PLBD1: variants seen among roughly 807,000 people sequenced by gnomAD.
PLBD1 encodes phospholipase B domain containing 1, also known as lysosomal leucine aminopeptidase.
A neutral mutation model predicts 63.0 loss-of-function variants in PLBD1; 60 were observed. That is an observed-to-expected ratio of 0.95 (90% confidence interval 0.77 to 1.18). The LOEUF (loss-of-function observed/expected upper bound fraction) is 1.18. Among genes scored for constraint, PLBD1 ranks in the 50% most tolerant of loss-of-function variants. The pLI is 0.00. For missense variants in PLBD1, 598 were observed against 677.9 expected, an observed-to-expected ratio of 0.88 and a Z score of 1.31; for synonymous variants, 262 against 248.0, an observed-to-expected ratio of 1.06 and a Z score of -0.53.
intron 6 of PLBD1, among the ~76,000 whole-genome samples, chr12:14,518,511 T>C (rs1346898534): frequency 6.6e-6 from 1 of 152,142 alleles, no homozygotes; most frequent in Non-Finnish European, 1.5e-5. Context: ...ATCTAGGGTA[T>C]GAAAGGGAGG....
At chr12:14,542,476 T>G (rs949709476) in intron 2 of PLBD1, among the ~76,000 whole-genome samples, 185 bp from the exon 3 acceptor site, 1 of 152,194 alleles carries the variant, frequency 6.6e-6, no homozygotes, top group South Asian at 2.1e-4. Context: ...TAGAAAAGGA[T>G]AGAATATTGA....
intron 4 of PLBD1, among the ~76,000 whole-genome samples, chr12:14,539,596 G>A (rs755244866): frequency 2.6e-5 from 4 of 151,748 alleles, no homozygotes; most frequent in Non-Finnish European, 5.9e-5. Context: ...GACTAGCCTG[G>A]CCAACATGGT....
chr12:14,504,248 C>T (rs1945231260), intron 10 of PLBD1, among the ~76,000 whole-genome samples: 1 of 152,122 alleles, frequency 6.6e-6, no homozygotes, highest in Non-Finnish European at 1.5e-5. Context: ...TGGGGTTTTG[C>T]CTTGTTGGCC....
intron 1 of PLBD1, among the ~76,000 whole-genome samples, chr12:14,560,019 C>T (rs941712069): frequency 1.6e-4 from 25 of 152,266 alleles, no homozygotes; most frequent in Non-Finnish European, 2.8e-4. Context: ...CGCCGCCACG[C>T]CTGGCTAATT....
chr12:14,557,273 A>G (rs1320954670), intron 1 of PLBD1, among the ~76,000 whole-genome samples: 1 of 152,242 alleles, frequency 6.6e-6, no homozygotes, highest in Middle Eastern at 3.4e-3. Context: ...AGACCTAAAA[A>G]CAGAAATACC....
At chr12:14,518,551 A>C (rs1178350841) in intron 6 of PLBD1, among the ~76,000 whole-genome samples, 1 of 152,186 alleles carries the variant, frequency 6.6e-6, no homozygotes, top group Non-Finnish European at 1.5e-5. Context: ...AGTTACAATA[A>C]GAACTGTGAT....
At position 14,513,451 on chromosome 12, in the gene PLBD1, G is replaced by A. The variant is rs1399674649; in HGVS notation, c.845-1740C>T. 2.6e-5 allele frequency among the ~76,000 whole-genome samples: 4 copies of A among 152,172 alleles called. No homozygotes were observed. In the East Asian group the frequency reaches 5.8e-4, roughly 22 times the overall value. On this transcript the variant is annotated intron_variant, in intron 6 of 10. Coordinates refer to ENST00000240617, the MANE Select transcript of PLBD1 (RefSeq NM_024829.6). ...TGCAAAAAATGTTTGTCCACATACTGCCTCAAATCACCCCACCAGCCCTAT... is the reference window on the plus strand; with the variant it reads ...TGCAAAAAATGTTTGTCCACATACTACCTCAAATCACCCCACCAGCCCTAT...
chr12:14,503,823 G>A lies in PLBD1; in HGVS notation c.1611C>T (p.Tyr537=), dbSNP rs1945224513. Residue 537 remains tyrosine (Y), a synonymous_variant, in exon 11 of 11, where the codon TAC becomes TAT. Transcript: ENST00000240617. ...KTLHQGMPEV[Y]NFDFITMKPI... The stretch of plus-strand genomic sequence containing the variant: ...GTTTCATGGTAATAAAATCAAAGTT[G>A]TAGACCTCTGGCATGCCCTGATGTA... 3 of 1,613,814 alleles carry A rather than the reference G, an allele frequency of 1.9e-6. No individual in the cohort carries two copies. The highest frequency in any genetic ancestry group is 1.7e-5 in the Admixed American group (1 of 59,978).
In PLBD1 at chr12:14,511,614, C is replaced by T; in HGVS notation, c.942G>A (p.Gln314=). Residue 314 remains glutamine (Q), a synonymous_variant, in exon 7 of 11, where the codon CAG becomes CAA. Coordinates refer to ENST00000240617, the MANE Select transcript of PLBD1 (RefSeq NM_024829.6). ...NSVFNKTLLK[Q]VIPETLLSWQ... is the part of the protein sequence containing the mutation. ...AGGACAGGAGAGTCTCGGGTATTAC[C>T]TGCTTTAGCAGGGTTTTATTAAACA... 1 of 1,614,200 alleles carries T rather than the reference C, an allele frequency of 6.2e-7. No homozygotes were observed. Among genetic ancestry groups the T allele is most frequent in the Non-Finnish European group, 8.5e-7 (1 of 1,180,030 alleles).
intron 9 of PLBD1, among the ~76,000 whole-genome samples, chr12:14,506,680 A>G (rs989819065): frequency 6.6e-6 from 1 of 151,932 alleles, no homozygotes; most frequent in African/African-American, 2.4e-5. Flanking sequence ...AGGACCCTCT[A>G]TGAGTTATTT....
intron 8 of PLBD1, among the ~76,000 whole-genome samples, chr12:14,511,030 G>T (rs186043227): frequency 3.3e-5 from 5 of 152,310 alleles, no homozygotes; most frequent in African/African-American, 1.2e-4. Flanking sequence ...AAATCATAGA[G>T]TCATGAATGC....
At chr12:14,510,575 C>A (rs1945290313) in intron 8 of PLBD1, among the ~76,000 whole-genome samples, 1 of 152,098 alleles carries the variant, frequency 6.6e-6, no homozygotes, top group Non-Finnish European at 1.5e-5. Context: ...TTTAAAATTA[C>A]AAATACGTGG....
intron 4 of PLBD1, among the ~76,000 whole-genome samples, chr12:14,537,832 T>A (rs562450217): frequency 3.9e-5 from 6 of 152,254 alleles, no homozygotes; most frequent in Non-Finnish European, 8.8e-5. Flanking sequence ...AATTATTCAT[T>A]TATTAGTCAA....
chr12:14,511,539 C>A lies in PLBD1; in HGVS notation c.1017G>T (p.Trp339Cys), dbSNP rs1309929371. Reference protein sequence around the residue: ...ANMMADSGKRWADIFSKYNSG... With the variant: ...ANMMADSGKRCADIFSKYNSG... ...AGTTGTATTTTGAAAAGATGTCTGC[C>A]CACCTCTTGCCACTATCTGCCATCA... is the stretch of plus-strand genomic sequence containing the variant. Residue 339 changes from tryptophan to cysteine, a missense_variant, in exon 7 of 11, where the codon TGG (tryptophan) becomes TGT (cysteine). Physicochemically the swap from Trp to Cys is radical, Grantham distance 215. Coordinates refer to ENST00000240617, the MANE Select transcript of PLBD1 (RefSeq NM_024829.6). The A allele has an allele frequency of 6.2e-7, 1 of 1,614,120 alleles. No homozygotes were observed. The highest frequency in any genetic ancestry group is 8.5e-7 in the Non-Finnish European group (1 of 1,180,020).
intron 9 of PLBD1, 45 bp downstream of exon 9, chr12:14,506,888 G>GA: frequency 1.3e-6 from 2 of 1,557,800 alleles, no homozygotes; most frequent in Non-Finnish European, 1.8e-6. Context: ...CCATAGGGAA[G>GA]AAAAGGAGTT....
chr12:14,567,866 GA>G lies in PLBD1; in HGVS notation c.-171del. On this transcript the variant is annotated 5_prime_UTR_variant, in exon 1 of 11. Coordinates refer to ENST00000240617, the MANE Select transcript of PLBD1 (RefSeq NM_024829.6). ...CGGCCTGCTCCGGGCTCTGAGGGGCGAGGACGCTTCACGTGGTGGCCTGGGG... is the reference window on the plus strand; with the variant it reads ...CGGCCTGCTCCGGGCTCTGAGGGGCGGGACGCTTCACGTGGTGGCCTGGGG... 1.1e-6 allele frequency: 1 copy of G among 948,126 alleles called. No homozygotes were observed. The highest frequency in any genetic ancestry group is 1.4e-6 in the Non-Finnish European group (1 of 702,392). The allele number at this position is 948,126 out of a possible 1,614,324, so 58.7% of individuals were successfully genotyped here.
At chr12:14,534,827 C>T (rs1222392692) in intron 6 of PLBD1, among the ~76,000 whole-genome samples, 1 of 152,244 alleles carries the variant, frequency 6.6e-6, no homozygotes, top group East Asian at 1.9e-4. Context: ...TAGGCGTGAG[C>T]ACCTGGCCTC....
chr12:14,560,070 G>A (rs1420555478), intron 1 of PLBD1, among the ~76,000 whole-genome samples: 4 of 152,078 alleles, frequency 2.6e-5, no homozygotes, highest in African/African-American at 9.7e-5. Flanking sequence ...ATGTTGATCA[G>A]GCTGGTCTCG....
chr12:14,506,402 G>A (rs1945256671), intron 9 of PLBD1, 134 bp from the exon 10 acceptor site: 1 of 631,772 alleles, frequency 1.6e-6, no homozygotes, highest in East Asian at 3.0e-5. Flanking sequence ...AGCCCAGTCT[G>A]CTTCCAGATA....
Sources: gnomAD v4.1 joint callset for allele counts (sites outside exome capture counted in the v4.1 genomes callset) on GRCh38, gnomAD v4.1.1 for gene constraint, MANE v1.5 for transcripts, NCBI Gene and HGNC (gene_info 2026-07-23, HGNC 2026-07-21) for gene names.